The following ZNF654 variants were observed in gnomAD, a reference collection of about 807,000 sequenced individuals.
ZNF654 encodes zinc finger protein 654.
ZNF654 carries 19 observed loss-of-function variants against 95.3 expected under a neutral mutation model. The ratio of observed to expected loss-of-function variants is 0.20; its 90% CI spans 0.14 to 0.29. ZNF654 has a LOEUF of 0.29. Among genes scored for constraint, ZNF654 ranks in the 10% least tolerant of loss-of-function variants. The pLI is 1.00. For synonymous variants in ZNF654, 413 were observed against 457.9 expected, an observed-to-expected ratio of 0.90 and a Z score of 1.25; for missense variants, 1,046 against 1,341.0, an observed-to-expected ratio of 0.78 and a Z score of 3.44.
intron 2 of ZNF654, among the ~76,000 whole-genome samples, chr3:88,112,191 T>G (rs989825418): frequency 6.6e-6 from 1 of 151,874 alleles, no homozygotes; most frequent in Non-Finnish European, 1.5e-5. Flanking sequence ...TTTTGTAATA[T>G]TTAGGTCTTA....
At position 88,127,168 on chromosome 3, in the gene ZNF654, A is replaced by G. The variant is rs574229051; in HGVS notation, c.550+899A>G. On this transcript the variant is annotated intron_variant, in intron 4 of 8. Coordinates refer to ENST00000636215, the MANE Select transcript of ZNF654 (RefSeq NM_001350134.2). ...TTTAGTTATGAGACAGCCAAGGGGAAAAAAACAAGACCTCCCAACCCTGGA... is the reference window on the plus strand; with the variant it reads ...TTTAGTTATGAGACAGCCAAGGGGAGAAAAACAAGACCTCCCAACCCTGGA... Among the ~76,000 whole-genome samples the G allele has an allele frequency of 1.1e-3, 166 of 152,306 alleles. 1 individual carries two copies. The highest frequency in any genetic ancestry group is 3.9e-3 in the African/African-American group (163 of 41,574).
intron 2 of ZNF654, among the ~76,000 whole-genome samples, chr3:88,110,924 T>A (rs1576300265): frequency 6.6e-6 from 1 of 152,116 alleles, no homozygotes; most frequent in Non-Finnish European, 1.5e-5. Flanking sequence ...TTTCTCTTTT[T>A]AATATCATTA....
rs552509489 is a variant in ZNF654 at position 88,103,860 on chromosome 3, G to A, written c.333-9255G>A. ...TGGCTCACTGCAACCTCTGCCTCTC[G>A]GGGTCAAGCGATTCTTCTGCCTCAG... is the stretch of plus-strand genomic sequence containing the variant. On this transcript the variant is annotated intron_variant, in intron 2 of 8. Coordinates refer to ENST00000636215, the MANE Select transcript of ZNF654 (RefSeq NM_001350134.2). Among the ~76,000 whole-genome samples the A allele has an allele frequency of 4.0e-5, 6 of 150,458 alleles. No individual in the cohort carries two copies. The East Asian group carries it at 7.9e-4, about 20-fold the overall frequency.
chr3:88,103,949 A>G (rs1186217328), intron 2 of ZNF654, among the ~76,000 whole-genome samples: 1 of 151,064 alleles, frequency 6.6e-6, no homozygotes, highest in Non-Finnish European at 1.5e-5. Context: ...TTATTTTTAG[A>G]CGGGGTTTTG....
At chr3:88,134,668 C>G (rs545400165) in intron 6 of ZNF654, among the ~76,000 whole-genome samples, 1 of 151,878 alleles carries the variant, frequency 6.6e-6, no homozygotes, top group Non-Finnish European at 1.5e-5. Context: ...AAATATGAAC[C>G]ATTTCTTTAT....
intron 2 of ZNF654, among the ~76,000 whole-genome samples, chr3:88,087,710 T>C (rs964807028): frequency 2.0e-5 from 3 of 152,206 alleles, no homozygotes; most frequent in Non-Finnish European, 2.9e-5. Context: ...ATAGAAAATA[T>C]CAGAGTATGT....
At position 88,140,940 on chromosome 3, in the gene ZNF654, T is replaced by G. The variant is rs945848662; in HGVS notation, c.3271T>G (p.Leu1091Val). 2 of 1,613,388 alleles carry G rather than the reference T, an allele frequency of 1.2e-6. No homozygotes were observed. The highest frequency in any genetic ancestry group is 2.7e-5 in the African/African-American group (2 of 74,860). Reference protein sequence around the residue: ...DNVYKKSVKRLRCGKCLTTYC... With the variant: ...DNVYKKSVKRVRCGKCLTTYC... ...CGTGTATAAAAAATCAGTGAAAAGA[T>G]TAAGATGTGGCAAATGCCTGACCAC... The change falls in exon 8 of 9, where the codon TTA (leucine) becomes GTA (valine). Residue 1091 changes from leucine (L) to valine (V), a missense_variant. By Grantham distance (32) the Leu-to-Val change is conservative. This residue lies in a region of ZNF654 where 59 missense variants were observed against 73.0 expected (regional missense o/e 0.81). Coordinates refer to ENST00000636215, the MANE Select transcript of ZNF654 (RefSeq NM_001350134.2).
chr3:88,091,237 C>T (rs1162912761), intron 2 of ZNF654, among the ~76,000 whole-genome samples: 7 of 152,148 alleles, frequency 4.6e-5, no homozygotes, highest in African/African-American at 1.7e-4. Context: ...CCATCAGAAC[C>T]ACAGAAGTGT....
At position 88,088,367 on chromosome 3, in the gene ZNF654, AGT is replaced by A. The variant is rs773719173; in HGVS notation, c.332+1968_332+1969del. 2.2e-4 allele frequency among the ~76,000 whole-genome samples: 34 copies of A among 152,232 alleles called. 1 individual carries two copies. The highest frequency in any genetic ancestry group is 4.4e-4 in the Non-Finnish European group (30 of 68,034). On this transcript the variant is annotated intron_variant, in intron 2 of 8. Coordinates refer to ENST00000636215, the MANE Select transcript of ZNF654 (RefSeq NM_001350134.2). ...AAAGTGAAAAATAATTTTGAAAGAA[AGT>A]GTTAATGTTGAAAATAAAAATGAAA...
At chr3:88,105,032 C>T (rs1214765819) in intron 2 of ZNF654, among the ~76,000 whole-genome samples, 6 of 152,088 alleles carry the variant, frequency 3.9e-5, no homozygotes, top group African/African-American at 1.2e-4. Context: ...CCCAGCTACT[C>T]GGGAGACTGA....
rs1384356101 is a variant in ZNF654, at chr3:88,070,422, C to T, written c.186+10917C>T. 2.0e-5 allele frequency among the ~76,000 whole-genome samples: 3 copies of T among 151,500 alleles called. No homozygotes were observed. The East Asian group carries it at 5.8e-4, about 29-fold the overall frequency. ...TTTGCATTTTCTTGGTGAGCAGATC[C>T]AAATTTCTTTTTTTTTTTAATCAGA... is the stretch of plus-strand genomic sequence containing the variant. On this transcript the variant is annotated intron_variant, in intron 1 of 8. Transcript: ENST00000636215.
rs1430776081 is a variant in ZNF654, at chr3:88,140,663, T to A, written c.2994T>A (p.Asp998Glu). ...LVSSDPALKI[D>E]TNRIRTENGS... The stretch of plus-strand genomic sequence containing the variant: ...CATCAGATCCTGCTTTGAAAATTGA[T>A]ACAAACAGAATCAGGACAGAAAATG... The change falls in exon 8 of 9, where the codon GAT (aspartate) becomes GAA (glutamate). Residue 998 changes from aspartate to glutamate, a missense_variant. Coordinates refer to ENST00000636215, the MANE Select transcript of ZNF654 (RefSeq NM_001350134.2). The A allele has an allele frequency of 6.2e-7, 1 of 1,613,736 alleles. No individual in the cohort carries two copies. The highest frequency in any genetic ancestry group is 1.1e-5 in the South Asian group (1 of 91,074).
intron 1 of ZNF654, among the ~76,000 whole-genome samples, chr3:88,069,059 CTAAAGATGTTCA>C (rs1707357062): frequency 6.6e-6 from 1 of 152,076 alleles, no homozygotes; most frequent in African/African-American, 2.4e-5. Flanking sequence ...GCAGCAGAAA[CTAAAGATGTTCA>C]TAAATGTGAA....
chr3:88,109,027 TG>T (rs1704917986), intron 2 of ZNF654, among the ~76,000 whole-genome samples: 1 of 152,034 alleles, frequency 6.6e-6, no homozygotes, highest in Non-Finnish European at 1.5e-5. Flanking sequence ...GTGGGAGACA[TG>T]AACAGAAACA....
intron 1 of ZNF654, among the ~76,000 whole-genome samples, chr3:88,080,665 T>A (rs1001178842): frequency 6.6e-6 from 1 of 151,688 alleles, no homozygotes; most frequent in Non-Finnish European, 1.5e-5. Flanking sequence ...ATCTGACTCT[T>A]AACCATAATA....
chr3:88,063,685 T>C (rs1206882066), intron 1 of ZNF654, among the ~76,000 whole-genome samples: 6 of 152,212 alleles, frequency 3.9e-5, no homozygotes, highest in Admixed American at 6.5e-5. Flanking sequence ...GTATCAGGAA[T>C]TGCATTTTGG....
chr3:88,086,992 C>T lies in ZNF654; in HGVS notation c.332+590C>T, dbSNP rs1358555294. ...AGAGATGGGGTTTCACCATGTTAGC[C>T]AGGATGGTCTTGATCTCCTGACCTC... On this transcript the variant is annotated intron_variant, in intron 2 of 8. Coordinates refer to ENST00000636215, the MANE Select transcript of ZNF654 (RefSeq NM_001350134.2). 2.6e-5 allele frequency among the ~76,000 whole-genome samples: 4 copies of T among 152,294 alleles called. No individual in the cohort carries two copies. The East Asian group carries it at 7.7e-4, about 29-fold the overall frequency.
chr3:88,086,345 G>T lies in ZNF654; in HGVS notation c.275G>T (p.Ser92Ile), dbSNP rs2107662072. Reference sequence around the variant, plus strand: ...GCCCTTTGTTGTTTTACAACAGCCAGTGCATCATTCCCAGATGAATGTGAG... The same window carrying T: ...GCCCTTTGTTGTTTTACAACAGCCATTGCATCATTCCCAGATGAATGTGAG... ...QTALCCFTTA[S>I]ASFPDECEHV... The change falls in exon 2 of 9, where the codon AGT (serine) becomes ATT (isoleucine). Residue 92 changes from serine (S) to isoleucine (I), a missense_variant. Ser to Ile is a moderately radical substitution (Grantham distance 142). Around this residue, in one of 9 missense-constraint regions of ZNF654, gnomAD observed 91 missense variants for 190.5 expected, o/e 0.48. Transcript: ENST00000636215. The T allele has an allele frequency of 6.5e-7, 1 of 1,535,552 alleles. No individual in the cohort carries two copies. Among genetic ancestry groups the T allele is most frequent in the Non-Finnish European group, 8.7e-7 (1 of 1,146,716 alleles).
intron 1 of ZNF654, among the ~76,000 whole-genome samples, chr3:88,063,803 G>T (rs1253383606): frequency 6.6e-6 from 1 of 151,782 alleles, no homozygotes; most frequent in Non-Finnish European, 1.5e-5. Context: ...ACTATCATTT[G>T]CTCTTTCTTA....
Sources: gnomAD v4.1 joint callset for allele counts (sites outside exome capture counted in the v4.1 genomes callset) on GRCh38, gnomAD v4.1.1 for gene constraint, gnomAD v4.1.1 regional missense constraint, MANE v1.5 for transcripts, NCBI Gene and HGNC (gene_info 2026-07-23, HGNC 2026-07-21) for gene names.